Variants in DCC observed in about 807,000 individuals in gnomAD.
DCC encodes DCC netrin 1 receptor.
A neutral mutation model predicts 172.5 loss-of-function variants in DCC; 58 were observed. That is an observed-to-expected ratio of 0.34 (90% CI 0.27 to 0.42). The LOEUF (loss-of-function observed/expected upper bound fraction) is 0.42, where lower values mean the gene tolerates loss of function less well. Among genes scored for constraint, DCC ranks in the 10% least tolerant of loss-of-function variants. The pLI is 1.00. For missense variants in DCC, 1,740 were observed against 1,791.0 expected (o/e 0.97, Z 0.51); for synonymous variants, 709 against 644.5 (o/e 1.10, Z -1.52).
chr18:52,596,760 T>C (rs1208411003), intron 1 of DCC, among the ~76,000 whole-genome samples: 1 of 152,210 alleles, frequency 6.6e-6, no homozygotes, highest in Non-Finnish European at 1.5e-5. Flanking sequence ...TGGCTATACA[T>C]ATGCAGGGTT....
chr18:52,622,808 T>A (rs75946297), intron 1 of DCC, among the ~76,000 whole-genome samples: 3,221 of 152,314 alleles, frequency 0.021, 106 homozygotes, highest in East Asian at 0.091. Context: ...CTTATTCTAA[T>A]TTCTTCCTTC....
In DCC at chr18:53,535,771, T is replaced by A. The variant is rs562448673; in HGVS notation, c.*5118T>A. The A allele has an allele frequency of 6.6e-6, 1 of 152,332 alleles. No individual in the cohort carries two copies. Among genetic ancestry groups the A allele is most frequent in the East Asian group, 1.9e-4 (1 of 5,182 alleles). The allele number at this position is 152,332 out of a possible 1,614,324, so 9.4% of individuals were successfully genotyped here. A position where few individuals can be genotyped will look rare whatever the true frequency, so the allele number is the denominator to read the frequency against. ...AAACAATGACTGTTTCTACACATGA[T>A]CTTGTATACTACTACACAAGGAAAA... On this transcript the variant is annotated 3_prime_UTR_variant, in exon 29 of 29. Transcript: ENST00000442544.
At chr18:52,505,152 G>A (rs1014933154) in intron 1 of DCC, among the ~76,000 whole-genome samples, 1 of 152,148 alleles carries the variant, frequency 6.6e-6, no homozygotes, top group African/African-American at 2.4e-5. Context: ...TGCAAATTAA[G>A]TTTGTCGAAA....
intron 2 of DCC, among the ~76,000 whole-genome samples, chr18:52,898,208 A>G (rs572753540): frequency 6.6e-6 from 1 of 152,180 alleles, no homozygotes; most frequent in Admixed American, 6.5e-5. Context: ...CTGTCCCCCA[A>G]TTGATAAGTC....
At chr18:53,237,242 A>G (rs1002627561) in intron 12 of DCC, 1 of 154,168 alleles carries the variant, frequency 6.5e-6, no homozygotes, top group African/African-American at 2.4e-5. Context: ...CTATAGAAGA[A>G]CATTATGCTA....
At chr18:53,203,462 A>G (rs1338014120) in intron 9 of DCC, among the ~76,000 whole-genome samples, 2 of 152,192 alleles carry the variant, frequency 1.3e-5, no homozygotes, top group Non-Finnish European at 2.9e-5. Context: ...AGAACAAGGA[A>G]TCTCAAGGTT....
At chr18:53,070,431 C>A (rs1238108433) in intron 7 of DCC, among the ~76,000 whole-genome samples, 2 of 152,174 alleles carry the variant, frequency 1.3e-5, no homozygotes, top group Non-Finnish European at 2.9e-5. Flanking sequence ...AAAGCTATTT[C>A]CTTCTAATTT....
chr18:52,981,832 G>T (rs1215693970), intron 5 of DCC, among the ~76,000 whole-genome samples: 1 of 152,116 alleles, frequency 6.6e-6, no homozygotes, highest in Non-Finnish European at 1.5e-5. Context: ...ATCAATACAA[G>T]TAAATGAGTA....
At chr18:53,251,092 G>A (rs138967726) in intron 12 of DCC, among the ~76,000 whole-genome samples, 305 of 151,892 alleles carry the variant, frequency 2.0e-3, no homozygotes, top group African/African-American at 6.2e-3. Flanking sequence ...AGACTCCTTC[G>A]TCTCTTACAC....
intron 2 of DCC, among the ~76,000 whole-genome samples, chr18:52,832,377 G>A (rs1460908001): frequency 1.3e-5 from 2 of 151,996 alleles, no homozygotes; most frequent in African/African-American, 4.8e-5. Context: ...TCTGACTTTT[G>A]GGGATCAAAC....
At chr18:52,406,958 A>G (rs1159929482) in intron 1 of DCC, among the ~76,000 whole-genome samples, 2 of 152,004 alleles carry the variant, frequency 1.3e-5, no homozygotes, top group Non-Finnish European at 2.9e-5. Context: ...TCAAATGAAT[A>G]TTTTTGTTGA....
chr18:52,414,605 A>G (rs1347773734), intron 1 of DCC, among the ~76,000 whole-genome samples: 1 of 152,126 alleles, frequency 6.6e-6, no homozygotes, highest in Non-Finnish European at 1.5e-5. Flanking sequence ...TTAACTGCAT[A>G]GACAGCTGTG....
chr18:53,295,223 C>T (rs1367371046), intron 12 of DCC, among the ~76,000 whole-genome samples: 3 of 151,928 alleles, frequency 2.0e-5, no homozygotes, highest in Admixed American at 2.0e-4. Context: ...TAGTATTCTA[C>T]CCAAATTTCT....
chr18:52,978,606 G>GA (rs1372970468), intron 5 of DCC, among the ~76,000 whole-genome samples: 1 of 152,146 alleles, frequency 6.6e-6, no homozygotes, highest in Admixed American at 6.5e-5. Context: ...TTGTGCCAAA[G>GA]ACCACACAGT....
intron 1 of DCC, among the ~76,000 whole-genome samples, chr18:52,603,384 C>T (rs1036450407): frequency 6.6e-6 from 1 of 151,790 alleles, no homozygotes; most frequent in Non-Finnish European, 1.5e-5. Context: ...CTCTAATTCC[C>T]TTCTAGCTCT....
intron 27 of DCC, among the ~76,000 whole-genome samples, chr18:53,511,173 G>T (rs2046246453): frequency 1.3e-5 from 2 of 152,304 alleles, no homozygotes; most frequent in South Asian, 4.1e-4. Flanking sequence ...AAGGTTACCT[G>T]TTTTACCCTT....
In DCC at chr18:52,524,045, G is replaced by T. The variant is rs140358654; in HGVS notation, c.91+183167G>T. 3.9e-4 allele frequency among the ~76,000 whole-genome samples: 59 copies of T among 152,270 alleles called. 1 individual carries two copies. In the East Asian group the frequency reaches 7.7e-3, roughly 20 times the overall value. ...TCTTGTCATCAGACGTAAATGTGGGGTGTTGTTACACCAAGTTTCTCTAAT... is the reference window on the plus strand; with the variant it reads ...TCTTGTCATCAGACGTAAATGTGGGTTGTTGTTACACCAAGTTTCTCTAAT... On this transcript the variant is annotated intron_variant, in intron 1 of 28. Coordinates refer to ENST00000442544, the MANE Select transcript of DCC (RefSeq NM_005215.4).
chr18:52,843,518 A>G (rs1276921594), intron 2 of DCC, among the ~76,000 whole-genome samples: 1 of 152,194 alleles, frequency 6.6e-6, no homozygotes, highest in Non-Finnish European at 1.5e-5. Context: ...CTGCATTGTA[A>G]AGAAAAACAT....
At chr18:52,899,284 G>A (rs375756542) in intron 2 of DCC, among the ~76,000 whole-genome samples, 1 of 151,326 alleles carries the variant, frequency 6.6e-6, no homozygotes, top group African/African-American at 2.4e-5. Flanking sequence ...TGAGTAGCTG[G>A]GACTACAGGT....
Sources: gnomAD v4.1 joint callset for allele counts (sites outside exome capture counted in the v4.1 genomes callset) on GRCh38, gnomAD v4.1.1 for gene constraint, MANE v1.5 for transcripts, NCBI Gene and HGNC (gene_info 2026-07-23, HGNC 2026-07-21) for gene names.